MMP16: variants seen among roughly 807,000 people sequenced by gnomAD.
MMP16 encodes the protein matrix metallopeptidase 16.
A neutral mutation model predicts 67.8 loss-of-function variants in MMP16; 12 were observed. The ratio of observed to expected loss-of-function variants is 0.18; its 90% CI spans 0.11 to 0.29. The LOEUF (loss-of-function observed/expected upper bound fraction) is 0.29. Ranked by LOEUF, MMP16 falls within the 10% of genes least tolerant of loss-of-function variation. MMP16 has a pLI of 1.00. For missense variants in MMP16, 475 were observed against 765.7 expected, an observed-to-expected ratio of 0.62 and a Z score of 4.48; for synonymous variants, 249 against 255.9, an observed-to-expected ratio of 0.97 and a Z score of 0.26.
rs1171411457 is a variant in MMP16 at position 88,172,066 on chromosome 8, G to A, written c.405-4093C>T. Among the ~76,000 whole-genome samples, 8 of 152,142 alleles carry A rather than the reference G, an allele frequency of 5.3e-5. No homozygotes were observed. The South Asian group carries it at 8.3e-4, about 16-fold the overall frequency. ...GGTCTCGAACTCCTGACCTCAGGTC[G>A]CCTTGGCCTCCAAAGTGCTGGGATT... On this transcript the variant is annotated intron_variant, in intron 3 of 9. Coordinates refer to ENST00000286614, the MANE Select transcript of MMP16 (RefSeq NM_005941.5).
chr8:88,058,196 T>C lies in MMP16; in HGVS notation c.1223-1918A>G, dbSNP rs142442346. Among the ~76,000 whole-genome samples the C allele has an allele frequency of 5.0e-3, 754 of 152,192 alleles. 8 individuals are homozygous for C. The highest frequency in any genetic ancestry group is 0.017 in the African/African-American group (714 of 41,550). On this transcript the variant is annotated intron_variant, in intron 7 of 9. Coordinates refer to ENST00000286614, the MANE Select transcript of MMP16 (RefSeq NM_005941.5). The surrounding 1 kb of genome is among the most constrained non-coding windows in gnomAD (Gnocchi z 4.2). ...AGTATAAAATCTTTGCAAATCAACA[T>C]AATGAGTTGGAATCTTACTTAGAGT...
intron 4 of MMP16, among the ~76,000 whole-genome samples, chr8:88,156,893 A>C (rs1453982469): frequency 6.6e-6 from 1 of 152,154 alleles, no homozygotes; most frequent in African/African-American, 2.4e-5. Flanking sequence ...AATGGATAAT[A>C]GGGCAAAATA....
intron 4 of MMP16, among the ~76,000 whole-genome samples, chr8:88,163,042 C>T (rs184015901): frequency 4.5e-4 from 68 of 152,180 alleles, no homozygotes; most frequent in African/African-American, 1.5e-3. Context: ...CATTATATAG[C>T]AGTGCAGCTG....
rs559594717 is a variant in MMP16, at chr8:88,163,997, T to A, written c.709+3672A>T. On this transcript the variant is annotated intron_variant, in intron 4 of 9. Transcript: ENST00000286614. ...AACTATTTTGTAATTCACTTAATGGTCTTTAGCTAGAATTTTCAAAAGGTA... is the reference window on the plus strand; with the variant it reads ...AACTATTTTGTAATTCACTTAATGGACTTTAGCTAGAATTTTCAAAAGGTA... 1.8e-4 allele frequency among the ~76,000 whole-genome samples: 27 copies of A among 152,234 alleles called. 1 individual carries two copies. The South Asian group carries it at 5.4e-3, about 30-fold the overall frequency.
rs186504614 is a variant in MMP16 at position 88,255,593 on chromosome 8, T to C, written c.133-58287A>G. On this transcript the variant is annotated intron_variant, in intron 1 of 9. Coordinates refer to ENST00000286614, the MANE Select transcript of MMP16 (RefSeq NM_005941.5). ...ATGAATTTGGATCATAATAGGATTT[T>C]CAAATCTAAAAGCAAAGCTTTCCTC... Among the ~76,000 whole-genome samples, 405 of 152,312 alleles carry C rather than the reference T, an allele frequency of 2.7e-3. 4 individuals carry two copies. The Middle Eastern group carries it at 0.048, about 18-fold the overall frequency.
At chr8:88,291,335 T>C (rs904448777) in intron 1 of MMP16, among the ~76,000 whole-genome samples, 5 of 152,028 alleles carry the variant, frequency 3.3e-5, no homozygotes, top group African/African-American at 1.2e-4. Flanking sequence ...GAAACAGAGG[T>C]TTAAGAATAT....
At chr8:88,105,683 C>A (rs201150511) in intron 6 of MMP16, among the ~76,000 whole-genome samples, 1 of 151,338 alleles carries the variant, frequency 6.6e-6, no homozygotes, top group South Asian at 2.1e-4. Context: ...TTCTCAAAAT[C>A]ATTCTTGTTT....
chr8:88,265,564 A>T (rs1162516773), intron 1 of MMP16, among the ~76,000 whole-genome samples: 1 of 152,192 alleles, frequency 6.6e-6, no homozygotes, highest in East Asian at 1.9e-4. Flanking sequence ...AGACTTGGAC[A>T]AGTTAGAGAA....
intron 1 of MMP16, among the ~76,000 whole-genome samples, chr8:88,315,228 A>T (rs1442095239): frequency 6.6e-6 from 1 of 152,094 alleles, no homozygotes. Context: ...TATCAGTACC[A>T]TTTTTTCCCA....
intron 4 of MMP16, among the ~76,000 whole-genome samples, chr8:88,141,918 TG>T (rs1226434089): frequency 6.8e-6 from 1 of 147,270 alleles, no homozygotes; most frequent in Non-Finnish European, 1.5e-5. Context: ...CACATAAATA[TG>T]TTTTTTTTTT....
At position 88,090,172 on chromosome 8, in the gene MMP16, G is replaced by GTT. The variant is rs563171191; in HGVS notation, c.1084-15431_1084-15430dup. 1.3e-3 allele frequency among the ~76,000 whole-genome samples: 193 copies of GTT among 151,966 alleles called. 1 individual carries two copies. The highest frequency in any genetic ancestry group is 4.5e-3 in the African/African-American group (187 of 41,518). Reference sequence around the variant, plus strand: ...TTGCAAGGTTTTAGAATTTTTCAGTGTTTCTTGATTTTTATTGTGGGGTTG... The same window carrying GTT: ...TTGCAAGGTTTTAGAATTTTTCAGTGTTTTTCTTGATTTTTATTGTGGGGTTG... On this transcript the variant is annotated intron_variant, in intron 6 of 9. Coordinates refer to ENST00000286614, the MANE Select transcript of MMP16 (RefSeq NM_005941.5).
chr8:88,176,906 T>C (rs1022118686), intron 3 of MMP16, among the ~76,000 whole-genome samples: 3 of 152,188 alleles, frequency 2.0e-5, no homozygotes, highest in Non-Finnish European at 2.9e-5. Context: ...AGATGTTTGA[T>C]TCAGTGTGTT....
In MMP16 at chr8:88,033,508, T is replaced by G. The variant is rs1173680078; in HGVS notation, c.*7953A>C. On this transcript the variant is annotated 3_prime_UTR_variant, in exon 10 of 10. Coordinates refer to ENST00000286614, the MANE Select transcript of MMP16 (RefSeq NM_005941.5). ...TCTCAAGGTCAATAATTGATTCTTT[T>G]AAAAAAGCATCAACCAACTATGAAC... 1 of 151,832 alleles carries G rather than the reference T, an allele frequency of 6.6e-6. No individual in the cohort carries two copies. The highest frequency in any genetic ancestry group is 1.9e-4 in the East Asian group (1 of 5,198). The allele number at this position is 151,832 out of a possible 1,614,324, so 9.4% of individuals were successfully genotyped here.
chr8:88,230,535 C>CTTT (rs3060800), intron 1 of MMP16, among the ~76,000 whole-genome samples: 1 of 142,510 alleles, frequency 7.0e-6, no homozygotes, highest in Non-Finnish European at 1.5e-5. Context: ...GATCAATTTT[C>CTTT]TTTTTTTTTT....
At chr8:88,062,550 C>T (rs1031799497) in intron 7 of MMP16, among the ~76,000 whole-genome samples, 4 of 151,864 alleles carry the variant, frequency 2.6e-5, no homozygotes, top group African/African-American at 4.8e-5. Flanking sequence ...AGCAAACTAT[C>T]GCAAGGACAA....
At chr8:88,242,697 C>T (rs1586222546) in intron 1 of MMP16, among the ~76,000 whole-genome samples, 1 of 152,208 alleles carries the variant, frequency 6.6e-6, no homozygotes, top group Non-Finnish European at 1.5e-5. Context: ...AAAGTAAAAA[C>T]AGAACTCTGA....
chr8:88,046,925 A>G, intron 8 of MMP16, 141 bp from the exon 9 acceptor site: 1 of 479,440 alleles, frequency 2.1e-6, no homozygotes, highest in Admixed American at 4.0e-5. Context: ...TTAATGATTT[A>G]CAGAACTCCA....
chr8:88,121,951 A>G (rs535048345), intron 4 of MMP16, among the ~76,000 whole-genome samples: 1 of 152,130 alleles, frequency 6.6e-6, no homozygotes, highest in East Asian at 1.9e-4. Flanking sequence ...ATACATACAA[A>G]TTGTTATGGA....
In MMP16 at chr8:88,269,584, C is replaced by T. The variant is rs1585990181; in HGVS notation, c.132+57491G>A. Among the ~76,000 whole-genome samples the T allele has an allele frequency of 3.3e-5, 5 of 152,160 alleles. No homozygotes were observed. The South Asian group carries it at 1.0e-3, about 32-fold the overall frequency. ...GCTAGCTGGAATGCGTCATTACAAC[C>T]TGACCAATTGTTACTATACAACAGA... is the stretch of plus-strand genomic sequence containing the variant. On this transcript the variant is annotated intron_variant, in intron 1 of 9. Transcript: ENST00000286614.
Sources: gnomAD v4.1 joint callset for allele counts (sites outside exome capture counted in the v4.1 genomes callset) on GRCh38, gnomAD v4.1.1 for gene constraint, Gnocchi (gnomAD v3.1) non-coding constraint, MANE v1.5 for transcripts, NCBI Gene and HGNC (gene_info 2026-07-23, HGNC 2026-07-21) for gene names.